CUBN: variants seen among roughly 807,000 people sequenced by gnomAD.
CUBN encodes the protein 460 kDa receptor.
CUBN carries 282 observed loss-of-function variants against 405.3 expected under a neutral mutation model. The ratio of observed to expected loss-of-function variants is 0.70; its 90% confidence interval spans 0.63 to 0.77. The LOEUF (loss-of-function observed/expected upper bound fraction) is 0.77, where lower values mean the gene tolerates loss of function less well. Among genes scored for constraint, CUBN ranks in the 30% least tolerant of loss-of-function variants. The pLI, the probability that CUBN is intolerant of heterozygous loss-of-function variation, is 0.00. For synonymous variants in CUBN, 1,684 were observed against 1,617.0 expected, an observed-to-expected ratio of 1.04 and a Z score of -0.99; for missense variants, 4,514 against 4,475.2, an observed-to-expected ratio of 1.01 and a Z score of -0.25.
At chr10:16,862,458 C>G (rs925943579) in intron 59 of CUBN, among the ~76,000 whole-genome samples, 1 of 152,092 alleles carries the variant, frequency 6.6e-6, no homozygotes, top group African/African-American at 2.4e-5. Context: ...TGGTAGGGCA[C>G]AGGTTCAGGG....
intron 11 of CUBN, among the ~76,000 whole-genome samples, chr10:17,105,235 G>A (rs570862418): frequency 1.3e-4 from 20 of 152,124 alleles, no homozygotes; most frequent in Middle Eastern, 3.4e-3. Flanking sequence ...AACTGCAGGC[G>A]TAGTTTTAGT....
intron 6 of CUBN, among the ~76,000 whole-genome samples, chr10:17,119,447 G>A (rs565328135): frequency 6.6e-6 from 1 of 152,270 alleles, no homozygotes; most frequent in African/African-American, 2.4e-5. Context: ...ATCACCTGAG[G>A]TCAGGAGTTT....
chr10:16,836,090 G>A lies in CUBN; in HGVS notation c.10180+145C>T, dbSNP rs901986936. On this transcript the variant is annotated intron_variant, in intron 63 of 66. Coordinates refer to ENST00000377833, the MANE Select transcript of CUBN (RefSeq NM_001081.4). The stretch of plus-strand genomic sequence containing the variant: ...GTAGTAATTTGCTAAATTGGGCTGG[G>A]TTCTAGTTAAGAGAGGGATGTGGTT... The A allele has an allele frequency of 1.3e-5, 10 of 783,572 alleles. No individual in the cohort carries two copies. The African/African-American group carries it at 1.4e-4, about 11-fold the overall frequency. The allele number at this position is 783,572 out of a possible 1,614,324, so 48.5% of individuals were successfully genotyped here.
chr10:16,856,660 A>G (rs1839877904), intron 59 of CUBN, among the ~76,000 whole-genome samples: 1 of 152,208 alleles, frequency 6.6e-6, no homozygotes, highest in African/African-American at 2.4e-5. Flanking sequence ...TGTGGCTCAC[A>G]TTCTATACGG....
intron 28 of CUBN, among the ~76,000 whole-genome samples, chr10:17,005,278 G>A (rs902817720): frequency 4.6e-5 from 7 of 152,010 alleles, no homozygotes; most frequent in African/African-American, 9.7e-5. Flanking sequence ...AGCCCCCTAA[G>A]GAGATTGTTC....
chr10:17,065,391 T>C, intron 22 of CUBN, 117 bp downstream of exon 22: 1 of 1,293,690 alleles, frequency 7.7e-7, no homozygotes, highest in Non-Finnish European at 1.1e-6. Context: ...TTATTCTAAA[T>C]ATAGCTCTCA....
chr10:16,939,236 A>T, intron 37 of CUBN, 89 bp from the exon 38 acceptor site: 1 of 1,028,460 alleles, frequency 9.7e-7, no homozygotes, highest in Non-Finnish European at 1.5e-6. Context: ...GGTGTTGAAA[A>T]GGATGGACTT....
rs139448511 is a variant in CUBN, at chr10:17,084,162, C to G, written c.2301+109G>C. 8 of 1,048,822 alleles carry G rather than the reference C, an allele frequency of 7.6e-6. No individual in the cohort carries two copies. In the African/African-American group the frequency reaches 1.3e-4, roughly 16 times the overall value. 65.0% of individuals were successfully genotyped at this position (1,048,822 alleles called of 1,614,324 possible). Reference sequence around the variant, plus strand: ...TATTATTGTATTTCTAACAAGCTCTCAGGTATTCTGGCTGCTGGTGGCCCA... The same window carrying G: ...TATTATTGTATTTCTAACAAGCTCTGAGGTATTCTGGCTGCTGGTGGCCCA... On this transcript the variant is annotated intron_variant, in intron 17 of 66. Coordinates refer to ENST00000377833, the MANE Select transcript of CUBN (RefSeq NM_001081.4).
intron 60 of CUBN, among the ~76,000 whole-genome samples, chr10:16,850,564 C>T (rs532462887): frequency 1.8e-4 from 28 of 152,244 alleles, no homozygotes; most frequent in African/African-American, 6.3e-4. Context: ...CTCCACCTCC[C>T]GGGTTCAAGC....
chr10:16,902,975 A>G (rs1841438853), intron 51 of CUBN, among the ~76,000 whole-genome samples: 1 of 152,232 alleles, frequency 6.6e-6, no homozygotes, highest in Admixed American at 6.5e-5. Context: ...CCCATTGCCA[A>G]GGGAAGCAGT....
chr10:16,989,865 C>T (rs1480273255), intron 29 of CUBN, among the ~76,000 whole-genome samples: 2 of 152,340 alleles, frequency 1.3e-5, no homozygotes, highest in East Asian at 3.9e-4. Context: ...TGCCCAGTCT[C>T]TATGCTCCGC....
At chr10:16,885,433 T>C (rs1432357664) in intron 56 of CUBN, among the ~76,000 whole-genome samples, 2 of 152,158 alleles carry the variant, frequency 1.3e-5, no homozygotes, top group African/African-American at 4.8e-5. Flanking sequence ...CTATTATACA[T>C]ATATAATAAA....
intron 31 of CUBN, among the ~76,000 whole-genome samples, chr10:16,977,816 C>A (rs568382071): frequency 7.9e-4 from 120 of 152,328 alleles, no homozygotes; most frequent in African/African-American, 2.8e-3. Context: ...CCCCTGTCTG[C>A]ATGTTTCCCT....
At chr10:16,891,126 G>C (rs971274552) in intron 54 of CUBN, among the ~76,000 whole-genome samples, 2 of 152,194 alleles carry the variant, frequency 1.3e-5, no homozygotes, top group African/African-American at 2.4e-5. Context: ...CAACTCCCAA[G>C]TAGACCTGGG....
At chr10:17,115,321 C>T in intron 7 of CUBN, 150 bp downstream of exon 7, 3 of 837,648 alleles carry the variant, frequency 3.6e-6, no homozygotes, top group Non-Finnish European at 5.9e-6. Context: ...CATAGTTCAT[C>T]TCCCCTCCTC....
At chr10:16,992,929 C>A (rs1322477249) in intron 28 of CUBN, among the ~76,000 whole-genome samples, 1 of 152,202 alleles carries the variant, frequency 6.6e-6, no homozygotes, top group Non-Finnish European at 1.5e-5. Context: ...CAACACATGG[C>A]AAATATTCCT....
At position 16,863,276 on chromosome 10, in the gene CUBN, G is replaced by A. The variant is rs376629352; in HGVS notation, c.9454+6360C>T. 7.9e-5 allele frequency among the ~76,000 whole-genome samples: 12 copies of A among 152,188 alleles called. 1 individual carries two copies. Among genetic ancestry groups the A allele is most frequent in the Admixed American group, 2.0e-4 (3 of 15,274 alleles). On this transcript the variant is annotated intron_variant, in intron 59 of 66. Transcript: ENST00000377833. ...AAAAGGTACAGGGCTTAAAAAGAGCGGAAATAAGCTTAGTTGGGTTTTTCT... is the reference window on the plus strand; with the variant it reads ...AAAAGGTACAGGGCTTAAAAAGAGCAGAAATAAGCTTAGTTGGGTTTTTCT...
At chr10:17,026,142 C>T (rs1369228141) in intron 27 of CUBN, among the ~76,000 whole-genome samples, 2 of 152,176 alleles carry the variant, frequency 1.3e-5, no homozygotes, top group Non-Finnish European at 2.9e-5. Flanking sequence ...AGGGCATCTG[C>T]TCAGATGTTC....
chr10:16,969,278 T>C (rs1039831110), intron 31 of CUBN, among the ~76,000 whole-genome samples: 3 of 152,100 alleles, frequency 2.0e-5, no homozygotes, highest in African/African-American at 7.2e-5. Flanking sequence ...AATTCATGCA[T>C]CAAAAACATT....
Sources: gnomAD v4.1 joint callset for allele counts (sites outside exome capture counted in the v4.1 genomes callset) on GRCh38, gnomAD v4.1.1 for gene constraint, MANE v1.5 for transcripts, NCBI Gene and HGNC (gene_info 2026-07-23, HGNC 2026-07-21) for gene names.